The following TENM2 variants were observed in gnomAD, a reference collection of about 807,000 sequenced individuals.
TENM2 encodes teneurin transmembrane protein 2.
TENM2 carries 52 observed loss-of-function variants against 245.2 expected under a neutral mutation model. The observed-to-expected ratio is 0.21, with a 90% CI of 0.17 to 0.27. The LOEUF is 0.27. TENM2 is among the 10% of genes least tolerant of loss of function. TENM2 has a pLI of 1.00. For missense variants in TENM2, 3,046 were observed against 3,666.8 expected (o/e 0.83, Z 4.37); for synonymous variants, 1,363 against 1,438.9 (o/e 0.95, Z 1.19).
chr5:167,096,875 T>C, the TENM2 span, among the ~76,000 whole-genome samples: 1 of 152,212 alleles, frequency 6.6e-6, no homozygotes. Flanking sequence ...GCAACATGTG[T>C]AGACCTGGCC....
At chr5:167,102,750 C>T in the TENM2 span, among the ~76,000 whole-genome samples, 1 of 152,226 alleles carries the variant, frequency 6.6e-6, no homozygotes, top group Non-Finnish European at 1.5e-5. Flanking sequence ...CCTCCGCCTC[C>T]CAGGTTCATG....
chr5:168,024,485 C>T (rs532291106), intron 5 of TENM2, among the ~76,000 whole-genome samples: 6 of 152,330 alleles, frequency 3.9e-5, no homozygotes, highest in African/African-American at 7.2e-5. Context: ...TTCGAAGCAG[C>T]AGGTAATGTC....
At chr5:168,240,982 AGAG>A (rs1208151852) in intron 25 of TENM2, 1 of 152,264 alleles carries the variant, frequency 6.6e-6, no homozygotes, top group East Asian at 1.9e-4. Flanking sequence ...TTCTGTTGGC[AGAG>A]GAGAAGACCT....
At chr5:167,414,012 T>A (rs1466440726) in intron 2 of TENM2, among the ~76,000 whole-genome samples, 1 of 152,198 alleles carries the variant, frequency 6.6e-6, no homozygotes, top group African/African-American at 2.4e-5. Context: ...AGATGCCTTG[T>A]ATTTAGGCTA....
the TENM2 span, among the ~76,000 whole-genome samples, chr5:167,264,343 T>C: frequency 2.6e-5 from 4 of 152,218 alleles, no homozygotes; most frequent in Non-Finnish European, 5.9e-5. Context: ...ATATGTTCTC[T>C]GTCCTCTCCG....
At chr5:167,053,432 T>C in the TENM2 span, among the ~76,000 whole-genome samples, 2 of 152,070 alleles carry the variant, frequency 1.3e-5, no homozygotes, top group Non-Finnish European at 2.9e-5. Flanking sequence ...TTGGAGCAGA[T>C]GTTTGTATGT....
chr5:167,763,830 G>A (rs1326932603), intron 2 of TENM2, among the ~76,000 whole-genome samples: 1 of 152,046 alleles, frequency 6.6e-6, no homozygotes, highest in Admixed American at 6.6e-5. Context: ...AGCTTGACAA[G>A]CATTAATTTA....
At chr5:167,865,081 C>G (rs1772187656) in intron 2 of TENM2, among the ~76,000 whole-genome samples, 1 of 152,098 alleles carries the variant, frequency 6.6e-6, no homozygotes, top group Non-Finnish European at 1.5e-5. Flanking sequence ...TCTAGGACGG[C>G]AAGAAAACAG....
At chr5:167,554,899 A>G (rs1043282859) in intron 2 of TENM2, among the ~76,000 whole-genome samples, 62 of 152,106 alleles carry the variant, frequency 4.1e-4, no homozygotes, top group Non-Finnish European at 1.9e-4. Context: ...ACCTGTTCCA[A>G]TTGCTCAGAG....
intron 5 of TENM2, among the ~76,000 whole-genome samples, chr5:167,996,264 A>G (rs899005601): frequency 2.0e-5 from 3 of 151,960 alleles, no homozygotes; most frequent in African/African-American, 4.8e-5. Context: ...AGCTCAGCAG[A>G]GATGCCCAGT....
intron 2 of TENM2, among the ~76,000 whole-genome samples, chr5:167,400,557 C>T (rs9313378): frequency 0.63 from 96,261 of 151,838 alleles, 32,877 homozygotes; most frequent in African/African-American, 0.91. Context: ...ATAATCAGAA[C>T]GTGAATCTGG....
chr5:167,755,308 C>T lies in TENM2; in HGVS notation c.503-120678C>T, dbSNP rs140374489. ...CGGATACCAAGGGAGAGATGGGAGA[C>T]TTGACGGTGAAACTATTTGATTTCG... On this transcript the variant is annotated intron_variant, in intron 2 of 28. Transcript: ENST00000518659. 3.5e-4 allele frequency: 244 copies of T among 693,384 alleles called. 1 individual carries two copies. The African/African-American group carries it at 4.1e-3, about 12-fold the overall frequency. 43.0% of individuals were successfully genotyped at this position (693,384 alleles called of 1,614,324 possible). A position where few individuals can be genotyped will look rare whatever the true frequency, so the allele number is the denominator to read the frequency against.
chr5:168,159,252 A>C (rs954052011), intron 12 of TENM2, among the ~76,000 whole-genome samples: 3 of 152,202 alleles, frequency 2.0e-5, no homozygotes, highest in Non-Finnish European at 4.4e-5. Context: ...GAATAGGGTC[A>C]TGATAGAACC....
chr5:167,910,717 T>G (rs1040275836), intron 3 of TENM2, among the ~76,000 whole-genome samples: 2 of 152,236 alleles, frequency 1.3e-5, no homozygotes, highest in Non-Finnish European at 2.9e-5. Context: ...TCTGAACGCT[T>G]TTTTGCGTTC....
chr5:168,109,471 C>T (rs540361802), intron 9 of TENM2, among the ~76,000 whole-genome samples: 1 of 152,340 alleles, frequency 6.6e-6, no homozygotes, highest in South Asian at 2.1e-4. Context: ...ATTCAAGACC[C>T]TTGCCCAGGT....
At position 168,237,539 on chromosome 5, in the gene TENM2, A is replaced by G. The variant is rs532013183; in HGVS notation, c.5521-6881A>G. On this transcript the variant is annotated intron_variant, in intron 25 of 28. Coordinates refer to ENST00000518659, the Ensembl canonical transcript of TENM2. Reference sequence around the variant, plus strand: ...TGAGGAAACTGAGACATGAATGGTGAAGGTATGGTTTTGGTATGGCAAAGC... The same window carrying G: ...TGAGGAAACTGAGACATGAATGGTGGAGGTATGGTTTTGGTATGGCAAAGC... 2.9e-3 allele frequency among the ~76,000 whole-genome samples: 442 copies of G among 152,196 alleles called. 5 individuals carry two copies. The highest frequency in any genetic ancestry group is 0.01 in the African/African-American group (423 of 41,530).
At chr5:167,644,676 C>A (rs1028946599) in intron 2 of TENM2, among the ~76,000 whole-genome samples, 1 of 152,068 alleles carries the variant, frequency 6.6e-6, no homozygotes, top group South Asian at 2.1e-4. Context: ...AGTAACTTGT[C>A]CAAAATCACA....
chr5:167,107,174 A>G, the TENM2 span, among the ~76,000 whole-genome samples: 1 of 151,874 alleles, frequency 6.6e-6, no homozygotes, highest in Non-Finnish European at 1.5e-5. Flanking sequence ...AGGCAGGAGA[A>G]TTGCTTGAAC....
At chr5:167,670,817 A>G (rs1311297952) in intron 2 of TENM2, among the ~76,000 whole-genome samples, 2 of 152,154 alleles carry the variant, frequency 1.3e-5, no homozygotes, top group Admixed American at 1.3e-4. Flanking sequence ...CCAAAGAAGT[A>G]GTCTGTTTTG....
Sources: gnomAD v4.1 joint callset for allele counts (sites outside exome capture counted in the v4.1 genomes callset) on GRCh38, gnomAD v4.1.1 for gene constraint, MANE v1.5 for transcripts, NCBI Gene and HGNC (gene_info 2026-07-23, HGNC 2026-07-21) for gene names.